PHF11: variants seen among roughly 807,000 people sequenced by gnomAD.
PHF11 encodes BRCA1 C-terminus-associated protein.
Under a neutral mutation model 40.5 loss-of-function variants are expected in PHF11, and 38 were observed. That is an observed-to-expected ratio of 0.94 (90% CI 0.72 to 1.23). PHF11 has a LOEUF of 1.23. Among genes scored for constraint, PHF11 ranks in the 50% most tolerant of loss-of-function variants. The pLI is 0.00. For missense variants in PHF11, 369 were observed against 392.4 expected (o/e 0.94, Z 0.50); for synonymous variants, 127 against 138.2 (o/e 0.92, Z 0.57).
chr13:49,503,461 T>C (rs986251608), intron 1 of PHF11, among the ~76,000 whole-genome samples: 7 of 152,218 alleles, frequency 4.6e-5, no homozygotes, highest in Non-Finnish European at 8.8e-5. Context: ...CAGACACCAG[T>C]TCTATCTCAC....
At chr13:49,526,520 A>T in intron 9 of PHF11, 62 bp downstream of exon 9, 2 of 893,764 alleles carry the variant, frequency 2.2e-6, no homozygotes, top group Non-Finnish European at 3.8e-6. Flanking sequence ...ACGATATTGA[A>T]ACAATATACT....
Position 49,502,037 on chromosome 13 carries a change from T to C in PHF11, c.95-4598T>C, listed in dbSNP as rs183937929. 1.4e-4 allele frequency among the ~76,000 whole-genome samples: 22 copies of C among 152,048 alleles called. No homozygotes were observed. In the East Asian group the frequency reaches 2.6e-3, roughly 18 times the overall value. On this transcript the variant is annotated intron_variant, in intron 1 of 9. Coordinates refer to ENST00000378319, the MANE Select transcript of PHF11 (RefSeq NM_001040443.3). ...AATTAAGGCAGGACATGGTGCCTCA[T>C]GCCTGTAATCCCAGCACTTTGGGAG...
At chr13:49,524,323 A>C in intron 8 of PHF11, 107 bp downstream of exon 8, 1 of 879,742 alleles carries the variant, frequency 1.1e-6, no homozygotes, top group Non-Finnish European at 1.8e-6. Flanking sequence ...TTCCTATACT[A>C]CTTTTTTCTT....
intron 8 of PHF11, among the ~76,000 whole-genome samples, chr13:49,524,831 C>T (rs1959221650): frequency 6.6e-6 from 1 of 152,034 alleles, no homozygotes; most frequent in Non-Finnish European, 1.5e-5. Context: ...CTTCATAAAT[C>T]AACAGGATGT....
intron 4 of PHF11, chr13:49,518,592 C>T (rs1395946698): frequency 6.6e-6 from 1 of 152,230 alleles, no homozygotes; most frequent in African/African-American, 2.4e-5. Flanking sequence ...CAAATGTTAA[C>T]TCATTTAATC....
At chr13:49,510,474 A>G (rs1045160087) in intron 2 of PHF11, among the ~76,000 whole-genome samples, 3 of 152,096 alleles carry the variant, frequency 2.0e-5, no homozygotes, top group Non-Finnish European at 4.4e-5. Context: ...ACACCATTTA[A>G]TGGTGATGTT....
chr13:49,524,567 C>G (rs7337503), intron 8 of PHF11, among the ~76,000 whole-genome samples: 1 of 150,994 alleles, frequency 6.6e-6, no homozygotes, highest in Non-Finnish European at 1.5e-5. Flanking sequence ...CTCTGCCTCC[C>G]AAGTTCAAGC....
intron 2 of PHF11, among the ~76,000 whole-genome samples, chr13:49,510,332 A>AT (rs557615429): frequency 9.9e-4 from 150 of 151,958 alleles, no homozygotes; most frequent in African/African-American, 3.5e-3. Flanking sequence ...GCCTAATAAC[A>AT]TTTTTTATAA....
intron 2 of PHF11, among the ~76,000 whole-genome samples, chr13:49,508,913 G>T (rs902428499): frequency 6.6e-6 from 1 of 152,030 alleles, no homozygotes; most frequent in Non-Finnish European, 1.5e-5. Flanking sequence ...CATTCTTAAT[G>T]ATTTCATTTA....
intron 3 of PHF11, 142 bp downstream of exon 3, chr13:49,513,308 T>C (rs997562891): frequency 2.0e-6 from 1 of 492,378 alleles, no homozygotes; most frequent in African/African-American, 2.1e-5. Context: ...ATTGGAAACC[T>C]CAATTCAACT....
chr13:49,522,498 G>A (rs1959193071), intron 6 of PHF11, among the ~76,000 whole-genome samples: 1 of 152,124 alleles, frequency 6.6e-6, no homozygotes, highest in Non-Finnish European at 1.5e-5. Flanking sequence ...ACATCCTTAT[G>A]GAGCCAAGTA....
intron 7 of PHF11, 62 bp from the exon 8 acceptor site, chr13:49,524,023 A>T: frequency 4.2e-6 from 6 of 1,425,594 alleles, no homozygotes; most frequent in Non-Finnish European, 5.8e-6. Flanking sequence ...AATAAGCATA[A>T]AGTAATTTAT....
intron 4 of PHF11, chr13:49,518,355 A>G (rs1959171616): frequency 7.7e-6 from 2 of 260,760 alleles, no homozygotes; most frequent in African/African-American, 2.2e-5. Context: ...TTTAGTCACA[A>G]TATCTTGAAT....
chr13:49,525,696 A>C, intron 8 of PHF11: 1 of 412,430 alleles, frequency 2.4e-6, no homozygotes, highest in East Asian at 7.6e-5. Context: ...TATAGGGCAA[A>C]ACCAAAAAGT....
In PHF11 at chr13:49,506,621, G is replaced by T. The variant is rs888468649; in HGVS notation, c.95-14G>T. ...TTCCACTTTTCCATTTCTCACCAGG[G>T]ATATTACTTATAGGTGTCTTTCAGG... On this transcript the variant is annotated splice_polypyrimidine_tract_variant and intron_variant, in intron 1 of 9. Coordinates refer to ENST00000378319, the MANE Select transcript of PHF11 (RefSeq NM_001040443.3). The T allele has an allele frequency of 6.2e-7, 1 of 1,612,694 alleles. No homozygotes were observed. The highest frequency in any genetic ancestry group is 1.1e-5 in the South Asian group (1 of 91,050).
intron 9 of PHF11, among the ~76,000 whole-genome samples, chr13:49,527,886 A>C (rs940988997): frequency 6.6e-6 from 1 of 152,210 alleles, no homozygotes; most frequent in African/African-American, 2.4e-5. Flanking sequence ...CCTTACTCAT[A>C]TTTTAAGTTA....
intron 5 of PHF11, chr13:49,521,483 T>C (rs1959187416): frequency 1.4e-5 from 14 of 986,444 alleles, no homozygotes; most frequent in Non-Finnish European, 1.7e-5. Flanking sequence ...TTCTGCGTCA[T>C]GCCAACTGCA....
chr13:49,525,081 C>CT lies in PHF11; in HGVS notation c.769+871dup, dbSNP rs149008644. 8.4e-3 allele frequency among the ~76,000 whole-genome samples: 1,277 copies of CT among 152,150 alleles called. 18 individuals are homozygous for CT. Among genetic ancestry groups the CT allele is most frequent in the African/African-American group, 0.029 (1,195 of 41,498 alleles). ...TCTATTCCTTAATAAGCCAAGTGTCCTTTTTTAAATAAGGTTAACTCAAAC... is the reference window on the plus strand; with the variant it reads ...TCTATTCCTTAATAAGCCAAGTGTCCTTTTTTTAAATAAGGTTAACTCAAAC... On this transcript the variant is annotated intron_variant, in intron 8 of 9. Coordinates refer to ENST00000378319, the MANE Select transcript of PHF11 (RefSeq NM_001040443.3).
At chr13:49,511,318 G>T (rs1285687611) in intron 2 of PHF11, among the ~76,000 whole-genome samples, 8 of 135,212 alleles carry the variant, frequency 5.9e-5, no homozygotes, top group African/African-American at 1.4e-4. Context: ...TTTCAAAATT[G>T]TTCAATGGCT....
Sources: allele counts gnomAD v4.1 joint callset (sites outside exome capture counted in the v4.1 genomes callset), GRCh38; gene constraint gnomAD v4.1.1; transcripts MANE v1.5; gene names NCBI Gene and HGNC (gene_info 2026-07-23, HGNC 2026-07-21).